The following UNC13C variants were observed in gnomAD, a reference collection of about 807,000 sequenced individuals.
UNC13C encodes the protein protein unc-13 homolog C.
In UNC13C, 174 loss-of-function variants were observed where a neutral mutation model predicts 245.4. The ratio of observed to expected loss-of-function variants is 0.71; its 90% confidence interval spans 0.63 to 0.80. The LOEUF (loss-of-function observed/expected upper bound fraction) is 0.80. Among genes scored for constraint, UNC13C ranks in the 30% least tolerant of loss-of-function variants. The pLI, the probability that UNC13C is intolerant of heterozygous loss-of-function variation, is 0.00. For synonymous variants in UNC13C, 992 were observed against 895.1 expected, an observed-to-expected ratio of 1.11 and a Z score of -1.93; for missense variants, 2,829 against 2,602.9, an observed-to-expected ratio of 1.09 and a Z score of -1.89.
chr15:53,865,890 T>C, the UNC13C span, among the ~76,000 whole-genome samples: 1 of 152,086 alleles, frequency 6.6e-6, no homozygotes, highest in Admixed American at 6.6e-5. Flanking sequence ...AAAAAATTGA[T>C]TACATATCAA....
intron 10 of UNC13C, among the ~76,000 whole-genome samples, chr15:54,279,296 T>C (rs1369988121): frequency 3.3e-5 from 5 of 152,222 alleles, no homozygotes; most frequent in Non-Finnish European, 4.4e-5. Flanking sequence ...CCGTTTGAGA[T>C]AATTGGTTGA....
intron 19 of UNC13C, among the ~76,000 whole-genome samples, chr15:54,492,151 C>T (rs1394586225): frequency 2.2e-4 from 34 of 152,098 alleles, no homozygotes. Context: ...AAAAGGTTGC[C>T]GTATTCCAAA....
chr15:53,920,817 G>A, the UNC13C span, among the ~76,000 whole-genome samples: 7,797 of 149,852 alleles, frequency 0.052, 401 homozygotes, highest in African/African-American at 0.13. Context: ...TGACCAAAAA[G>A]ACACAGTTCT....
rs144518759 is a variant in UNC13C at position 54,584,145 on chromosome 15, A to T, written c.6106+16198A>T. ...CCCCTTGGCCAGGGCTCTCCTGGAG[A>T]TTGGCTGGTTTCTGGCCCCCTCCAA... On this transcript the variant is annotated intron_variant, in intron 30 of 32. Coordinates refer to ENST00000260323, the MANE Select transcript of UNC13C (RefSeq NM_001080534.3). 2.2e-3 allele frequency among the ~76,000 whole-genome samples: 330 copies of T among 152,150 alleles called. 2 individuals are homozygous for T. Among genetic ancestry groups the T allele is most frequent in the African/African-American group, 7.7e-3 (321 of 41,498 alleles).
chr15:54,195,823 G>A (rs1307541711), intron 4 of UNC13C, among the ~76,000 whole-genome samples: 2 of 151,962 alleles, frequency 1.3e-5, no homozygotes, highest in African/African-American at 4.8e-5. Flanking sequence ...TATTGCAGTT[G>A]GTTAAAATTG....
intron 19 of UNC13C, among the ~76,000 whole-genome samples, chr15:54,478,440 G>A (rs1294661686): frequency 6.5e-5 from 9 of 139,500 alleles, no homozygotes; most frequent in African/African-American, 2.4e-4. Flanking sequence ...TTTCTCTTGT[G>A]GGCATTTAGT....
chr15:54,591,370 ATTCTTCC>A (rs1236569074), intron 30 of UNC13C, among the ~76,000 whole-genome samples: 1 of 152,108 alleles, frequency 6.6e-6, no homozygotes, highest in Non-Finnish European at 1.5e-5. Context: ...ATTGGTACCA[ATTCTTCC>A]TTGAATGTCT....
intron 2 of UNC13C, among the ~76,000 whole-genome samples, chr15:54,096,778 T>A (rs972636379): frequency 6.6e-6 from 1 of 152,102 alleles, no homozygotes; most frequent in African/African-American, 2.4e-5. Context: ...AGAATAAAGC[T>A]TGAAGTAAGA....
At chr15:54,231,540 C>T (rs1450911417) in intron 4 of UNC13C, among the ~76,000 whole-genome samples, 1 of 151,784 alleles carries the variant, frequency 6.6e-6, no homozygotes, top group Non-Finnish European at 1.5e-5. Context: ...AATAATTGTA[C>T]CTATACCTCA....
intron 4 of UNC13C, among the ~76,000 whole-genome samples, chr15:54,212,093 G>A (rs1287983915): frequency 6.6e-6 from 1 of 152,086 alleles, no homozygotes; most frequent in Non-Finnish European, 1.5e-5. Flanking sequence ...AGCACTTGCT[G>A]ACTGGTACAA....
Position 54,494,701 on chromosome 15 carries a change from C to T in UNC13C, c.5027C>T (p.Pro1676Leu), listed in dbSNP as rs1297963504. 1 of 1,610,600 alleles carries T rather than the reference C, an allele frequency of 6.2e-7. No homozygotes were observed. Among genetic ancestry groups the T allele is most frequent in the African/African-American group, 1.3e-5 (1 of 74,750 alleles). ...WFYNEYVREL[P>L]AFKDAVPEYS... ...TATAATGAATATGTGCGTGAACTTC[C>T]TGCCTTCAAGGATGCTGTTCCTGAA... Residue 1676 changes from proline (P) to leucine (L), a missense_variant, in exon 20 of 33, where the codon CCT becomes CTT. Physicochemically the swap from Pro to Leu is moderately conservative, Grantham distance 98 (BLOSUM62 -3). Coordinates refer to ENST00000260323, the MANE Select transcript of UNC13C (RefSeq NM_001080534.3).
Position 54,232,425 on chromosome 15 carries a change from G to C in UNC13C, c.3072-2605G>C, listed in dbSNP as rs546560900. Among the ~76,000 whole-genome samples the C allele has an allele frequency of 2.3e-3, 350 of 152,240 alleles. 1 individual carries two copies. Among genetic ancestry groups the C allele is most frequent in the African/African-American group, 8.1e-3 (337 of 41,574 alleles). The stretch of plus-strand genomic sequence containing the variant: ...CTCTGCTCTGATGAGATAAGCATAG[G>C]AGTGAAGTGTCAGGCCCAATAATGC... On this transcript the variant is annotated intron_variant, in intron 4 of 32. Transcript: ENST00000260323.
intron 18 of UNC13C, among the ~76,000 whole-genome samples, chr15:54,406,744 A>C (rs535479186): frequency 5.3e-5 from 8 of 152,276 alleles, no homozygotes; most frequent in African/African-American, 1.9e-4. Context: ...GCTCAGACCC[A>C]TTTATAGTCA....
In UNC13C at chr15:54,624,889, T is replaced by A. The variant is rs75947886; in HGVS notation, c.6359+935T>A. Among the ~76,000 whole-genome samples, 11 of 152,118 alleles carry A rather than the reference T, an allele frequency of 7.2e-5. 1 individual carries two copies. Among genetic ancestry groups the A allele is most frequent in the African/African-American group, 2.6e-4 (11 of 41,528 alleles). On this transcript the variant is annotated intron_variant, in intron 32 of 32. Transcript: ENST00000260323. Reference sequence around the variant, plus strand: ...GTTAAGAGTAGAGAAATTTGAGTAATCATGGGAACTGGGGCTAATAGTAAC... The same window carrying A: ...GTTAAGAGTAGAGAAATTTGAGTAAACATGGGAACTGGGGCTAATAGTAAC...
intron 4 of UNC13C, among the ~76,000 whole-genome samples, chr15:54,178,965 C>A (rs368014485): frequency 1.3e-5 from 2 of 152,104 alleles, no homozygotes; most frequent in East Asian, 3.8e-4. Context: ...CAGAAAAACC[C>A]AAGACCTACA....
intron 17 of UNC13C, among the ~76,000 whole-genome samples, chr15:54,385,567 G>C (rs1483604624): frequency 1.3e-5 from 2 of 149,638 alleles, no homozygotes; most frequent in Non-Finnish European, 3.0e-5. Context: ...GGTTGGAGGG[G>C]GGCAGGATGA....
chr15:53,890,140 C>CTTTTTTTTTTTTTTTTTTT, the UNC13C span, among the ~76,000 whole-genome samples: 1 of 145,244 alleles, frequency 6.9e-6, no homozygotes, highest in Non-Finnish European at 1.5e-5. Context: ...ACCAGCGCCT[C>CTTTTTTTTTTTTTTTTTTT]TTTTTTTTTT....
the UNC13C span, among the ~76,000 whole-genome samples, chr15:53,873,918 TC>T: frequency 2.5e-4 from 5 of 20,174 alleles, no homozygotes; most frequent in Admixed American, 1.6e-3. Context: ...CTTCCTTCCT[TC>T]CTTTCTTCCT....
At chr15:54,038,122 A>ATTTTTTT (rs1355738786) in intron 2 of UNC13C, among the ~76,000 whole-genome samples, 1,695 of 49,954 alleles carry the variant, frequency 0.034, 74 homozygotes, top group Admixed American at 0.049. Flanking sequence ...ATATATATAT[A>ATTTTTTT]TATTTTTTTT....
Sources: allele counts gnomAD v4.1 joint callset (sites outside exome capture counted in the v4.1 genomes callset), GRCh38; gene constraint gnomAD v4.1.1; transcripts MANE v1.5; gene names NCBI Gene and HGNC (gene_info 2026-07-23, HGNC 2026-07-21).